LUZP2: variants seen among roughly 807,000 people sequenced by gnomAD.
LUZP2 encodes leucine zipper protein 2.
LUZP2 carries 52 observed loss-of-function variants against 51.6 expected under a neutral mutation model. The observed-to-expected ratio is 1.01, with a 90% CI of 0.81 to 1.27. The LOEUF (loss-of-function observed/expected upper bound fraction) is 1.27. Among genes scored for constraint, LUZP2 ranks in the 50% most tolerant of loss-of-function variants. The pLI, the probability that LUZP2 is intolerant of heterozygous loss-of-function variation, is 0.00. For synonymous variants in LUZP2, 154 were observed against 137.3 expected (o/e 1.12, Z -0.85); for missense variants, 436 against 395.4 (o/e 1.10, Z -0.87).
At position 24,898,414 on chromosome 11, in the gene LUZP2, G is replaced by A. The variant is rs1590704947; in HGVS notation, c.397-7577G>A. ...CCGAGGTGGGCAGATCACAAGGTCA[G>A]GAGATCAAGACCATCCTGACTAACA... On this transcript the variant is annotated intron_variant, in intron 5 of 11. Transcript: ENST00000336930. Among the ~76,000 whole-genome samples, 3 of 152,326 alleles carry A rather than the reference G, an allele frequency of 2.0e-5. No individual in the cohort carries two copies. In the South Asian group the frequency reaches 6.2e-4, roughly 32 times the overall value.
At chr11:24,612,668 A>G (rs372220583) in intron 1 of LUZP2, among the ~76,000 whole-genome samples, 4 of 152,204 alleles carry the variant, frequency 2.6e-5, no homozygotes, top group African/African-American at 9.6e-5. Context: ...ATAGATGAAC[A>G]TTTGATTCTT....
chr11:24,831,941 T>C (rs891415606), intron 5 of LUZP2: 2 of 152,710 alleles, frequency 1.3e-5, no homozygotes, highest in African/African-American at 2.4e-5. Context: ...CAGTGGAAGA[T>C]AGTCTCCATG....
intron 1 of LUZP2, among the ~76,000 whole-genome samples, chr11:24,696,137 G>A (rs918918280): frequency 1.3e-5 from 2 of 152,044 alleles, no homozygotes; most frequent in African/African-American, 4.8e-5. Flanking sequence ...TGGGGACAGT[G>A]GTCTTGGTAT....
intron 1 of LUZP2, among the ~76,000 whole-genome samples, chr11:24,520,489 C>T (rs1169189327): frequency 6.6e-6 from 1 of 152,178 alleles, no homozygotes; most frequent in Non-Finnish European, 1.5e-5. Flanking sequence ...AATTATTGCA[C>T]TTGTACAGAA....
intron 10 of LUZP2, among the ~76,000 whole-genome samples, chr11:25,061,388 G>A (rs1490454682): frequency 6.6e-6 from 1 of 152,114 alleles, no homozygotes; most frequent in Non-Finnish European, 1.5e-5. Context: ...TATTCTAGAG[G>A]TGTTGGTGAA....
chr11:24,526,501 G>T (rs1850811951), intron 1 of LUZP2, among the ~76,000 whole-genome samples: 2 of 150,346 alleles, frequency 1.3e-5, no homozygotes, highest in African/African-American at 4.9e-5. Context: ...AAAGGCAACT[G>T]AGATATCAAT....
chr11:24,585,786 G>A (rs1472448155), intron 1 of LUZP2, among the ~76,000 whole-genome samples: 3 of 151,924 alleles, frequency 2.0e-5, no homozygotes. Context: ...ACAAACCTAT[G>A]CCTATTTTAT....
chr11:24,549,452 T>C lies in LUZP2; in HGVS notation c.62+52147T>C, dbSNP rs368451395. Among the ~76,000 whole-genome samples, 126 of 152,176 alleles carry C rather than the reference T, an allele frequency of 8.3e-4. 1 individual carries two copies. Among genetic ancestry groups the C allele is most frequent in the Middle Eastern group, 3.4e-3 (1 of 294 alleles). ...CTCTTAATTCTTTTTTAAAAATAAG[T>C]CTACGGAGTACAATATAAAATAACA... On this transcript the variant is annotated intron_variant, in intron 1 of 11. Coordinates refer to ENST00000336930, the MANE Select transcript of LUZP2 (RefSeq NM_001009909.4).
chr11:24,659,689 GA>G (rs35282335), intron 1 of LUZP2, among the ~76,000 whole-genome samples: 1 of 151,866 alleles, frequency 6.6e-6, no homozygotes, highest in East Asian at 1.9e-4. Flanking sequence ...TGCATAAGAT[GA>G]AAAAAATTGA....
At chr11:24,576,230 G>C (rs1852641298) in intron 1 of LUZP2, among the ~76,000 whole-genome samples, 1 of 151,104 alleles carries the variant, frequency 6.6e-6, no homozygotes, top group African/African-American at 2.4e-5. Flanking sequence ...GGCCAACATG[G>C]TGAAAACCCA....
At chr11:25,072,732 C>A (rs922059464) in intron 10 of LUZP2, among the ~76,000 whole-genome samples, 6 of 151,836 alleles carry the variant, frequency 4.0e-5, no homozygotes, top group African/African-American at 1.2e-4. Context: ...TCCAAGGGAG[C>A]TTCCCTAGAA....
At chr11:24,974,283 T>G (rs113731104) in intron 7 of LUZP2, among the ~76,000 whole-genome samples, 2,537 of 152,238 alleles carry the variant, frequency 0.017, 38 homozygotes, top group South Asian at 0.083. Flanking sequence ...TTTCATTTGC[T>G]TGGTAAATTT....
chr11:24,620,311 A>C (rs1383595724), intron 1 of LUZP2, among the ~76,000 whole-genome samples: 1 of 152,210 alleles, frequency 6.6e-6, no homozygotes, highest in African/African-American at 2.4e-5. Context: ...CTTTTATTTT[A>C]AAATGTTATG....
chr11:25,007,546 TG>T (rs375854137), intron 9 of LUZP2, among the ~76,000 whole-genome samples: 6 of 152,114 alleles, frequency 3.9e-5, no homozygotes, highest in African/African-American at 1.4e-4. Context: ...AAGGTTGCAG[TG>T]GGCCGAGCTC....
At chr11:24,914,627 G>C (rs1022210786) in intron 7 of LUZP2, 89 bp downstream of exon 7, 4 of 928,092 alleles carry the variant, frequency 4.3e-6, no homozygotes, top group South Asian at 3.4e-5. Context: ...TTATTTTCTG[G>C]AATTTCTCAT....
At chr11:24,658,058 G>A (rs1855872950) in intron 1 of LUZP2, among the ~76,000 whole-genome samples, 1 of 152,166 alleles carries the variant, frequency 6.6e-6, no homozygotes, top group Admixed American at 6.5e-5. Flanking sequence ...TTTCTTCACA[G>A]AATTGGAAAT....
chr11:25,069,767 C>T (rs942854194), intron 10 of LUZP2, among the ~76,000 whole-genome samples: 25 of 151,484 alleles, frequency 1.7e-4, no homozygotes, highest in Admixed American at 1.1e-3. Flanking sequence ...TGAAATAAAA[C>T]GTTAGTTCTT....
intron 9 of LUZP2, among the ~76,000 whole-genome samples, chr11:25,023,349 C>T (rs549849002): frequency 1.3e-5 from 2 of 152,174 alleles, no homozygotes; most frequent in South Asian, 2.1e-4. Flanking sequence ...GGGGATTCAA[C>T]TTCTTCCTGG....
chr11:24,983,101 T>C, intron 8 of LUZP2, 25 bp from the exon 9 acceptor site: 1 of 1,608,132 alleles, frequency 6.2e-7, no homozygotes, highest in Admixed American at 1.7e-5. Context: ...TAAATGTAAA[T>C]ATGTTAATGC....
Sources: gnomAD v4.1 joint callset for allele counts (sites outside exome capture counted in the v4.1 genomes callset) on GRCh38, gnomAD v4.1.1 for gene constraint, MANE v1.5 for transcripts, NCBI Gene and HGNC (gene_info 2026-07-23, HGNC 2026-07-21) for gene names.